HOOK2: variants seen among roughly 807,000 people sequenced by gnomAD.
HOOK2 encodes protein Hook homolog 2.
Under a neutral mutation model 111.9 loss-of-function variants are expected in HOOK2, and 108 were observed. That is an observed-to-expected ratio of 0.96 (90% CI 0.83 to 1.13). The LOEUF is 1.13. Ranked by LOEUF, HOOK2 falls within the 50% of genes most tolerant of loss-of-function variation. The probability of loss-of-function intolerance (pLI) is 0.00; values close to 1 mark genes in which losing one functional copy is unlikely to be tolerated. For synonymous variants in HOOK2, 405 were observed against 394.3 expected, an observed-to-expected ratio of 1.03 and a Z score of -0.32; for missense variants, 978 against 951.3, an observed-to-expected ratio of 1.03 and a Z score of -0.37.
intron 11 of HOOK2, among the ~76,000 whole-genome samples, chr19:12,769,117 C>G (rs989269149): frequency 3.9e-5 from 6 of 152,050 alleles, no homozygotes; most frequent in Non-Finnish European, 8.8e-5. Flanking sequence ...AGGCGCCCAC[C>G]ACCACGCCCG....
intron 11 of HOOK2, among the ~76,000 whole-genome samples, chr19:12,768,860 C>T (rs972326017): frequency 1.3e-5 from 2 of 151,876 alleles, no homozygotes; most frequent in Non-Finnish European, 2.9e-5. Context: ...TGCAGTGATG[C>T]GATCTTGGCT....
In HOOK2 at chr19:12,774,438, G is replaced by T. The variant is rs897731815; in HGVS notation, c.204+231C>A. The T allele has an allele frequency of 1.8e-5, 11 of 599,804 alleles. No homozygotes were observed. The East Asian group carries it at 3.1e-4, about 17-fold the overall frequency. 37.2% of individuals were successfully genotyped at this position (599,804 alleles called of 1,614,324 possible). On this transcript the variant is annotated intron_variant, in intron 3 of 22. Coordinates refer to ENST00000397668, the MANE Select transcript of HOOK2 (RefSeq NM_013312.3). Reference sequence around the variant, plus strand: ...TAATTTTTATGGTTGTGTATGTGTTGCTTGTCACTAGAATGATGGCTGTGT... The same window carrying T: ...TAATTTTTATGGTTGTGTATGTGTTTCTTGTCACTAGAATGATGGCTGTGT...
intron 3 of HOOK2, chr19:12,787,060 C>G (rs929996289): frequency 6.5e-6 from 1 of 152,842 alleles, no homozygotes; most frequent in East Asian, 1.9e-4. Context: ...CCCAGTTACT[C>G]TGGAGGCTGA....
At chr19:12,765,287 A>C in intron 18 of HOOK2, 2 of 613,410 alleles carry the variant, frequency 3.3e-6, no homozygotes, top group Non-Finnish European at 5.8e-6. Context: ...CACCCTTAGC[A>C]GGTATGCCCC....
intron 3 of HOOK2, among the ~76,000 whole-genome samples, chr19:12,789,559 G>A (rs1968685667): frequency 6.6e-6 from 1 of 152,082 alleles, no homozygotes; most frequent in Non-Finnish European, 1.5e-5. Context: ...CGGAGCTCCA[G>A]ATCTCCTGGC....
chr19:12,785,446 TACAC>T (rs1968646945), intron 3 of HOOK2, among the ~76,000 whole-genome samples: 2 of 149,868 alleles, frequency 1.3e-5, no homozygotes, highest in South Asian at 4.2e-4. Flanking sequence ...ACAGATCATA[TACAC>T]ACATACAGAC....
Position 12,763,623 on chromosome 19 carries a change from G to A in HOOK2, c.1939-24C>T, listed in dbSNP as rs373817895. The A allele has an allele frequency of 3.1e-6, 5 of 1,614,018 alleles. No homozygotes were observed. The African/African-American group carries it at 4.0e-5, about 13-fold the overall frequency. The stretch of plus-strand genomic sequence containing the variant: ...ATCTGTCAAGGAGGCAAGTGTCAGG[G>A]GCCTAGATACGTTGGAGGCAGCGTA... On this transcript the variant is annotated intron_variant, in intron 21 of 22. Coordinates refer to ENST00000397668, the MANE Select transcript of HOOK2 (RefSeq NM_013312.3).
intron 3 of HOOK2, among the ~76,000 whole-genome samples, chr19:12,784,161 G>A (rs940821297): frequency 9.2e-5 from 14 of 152,146 alleles, no homozygotes; most frequent in African/African-American, 3.4e-4. Flanking sequence ...GCCCCTCCCG[G>A]GGCAGGGCAG....
chr19:12,772,918 G>A lies in HOOK2; in HGVS notation c.256-6C>T. 1.2e-6 allele frequency: 2 copies of A among 1,614,224 alleles called. No individual in the cohort carries two copies. Among genetic ancestry groups the A allele is most frequent in the Non-Finnish European group, 1.7e-6 (2 of 1,180,036 alleles). Reference sequence around the variant, plus strand: ...GACACAGGATGCGCCAGGACCTGGGGAGAAGGGGGTGTCAGGGGCTCATGG... The same window carrying A: ...GACACAGGATGCGCCAGGACCTGGGAAGAAGGGGGTGTCAGGGGCTCATGG... On this transcript the variant is annotated splice_region_variant and splice_polypyrimidine_tract_variant and intron_variant, in intron 4 of 22. Transcript: ENST00000397668.
At position 12,765,549 on chromosome 19, in the gene HOOK2, A is replaced by G. The variant is rs1404994502; in HGVS notation, c.1640+141T>C. The G allele has an allele frequency of 1.4e-5, 16 of 1,183,806 alleles. No individual in the cohort carries two copies. The Admixed American group carries it at 2.8e-4, about 21-fold the overall frequency. 73.3% of individuals were successfully genotyped at this position (1,183,806 alleles called of 1,614,324 possible). A position where few individuals can be genotyped will look rare whatever the true frequency, so the allele number is the denominator to read the frequency against. On this transcript the variant is annotated intron_variant, in intron 18 of 22. Transcript: ENST00000397668. Reference sequence around the variant, plus strand: ...GATCATCTGGGGTCAGGAGTCCGAGACCAGCCTGGCCAACATAGTGAAACC... The same window carrying G: ...GATCATCTGGGGTCAGGAGTCCGAGGCCAGCCTGGCCAACATAGTGAAACC...
chr19:12,772,784 C>G lies in HOOK2; in HGVS notation c.384G>C (p.Lys128Asn). The change falls in exon 5 of 23, where the codon AAG becomes AAC. Residue 128 changes from lysine to asparagine, a missense_variant. Physicochemically the swap from Lys to Asn is moderately conservative, Grantham distance 94 (BLOSUM62 0). This residue lies in a region of HOOK2 where 301 missense variants were observed against 286.1 expected (regional missense o/e 1.05). Transcript: ENST00000397668. ...VLGCAISCEK[K>N]QDHIQRIMTL... ...GACCCCCTAAGCTCCCCATACCCTG[C>G]TTTTTCTCGCAACTGATGGCACAGC... The G allele has an allele frequency of 6.2e-7, 1 of 1,614,166 alleles. No individual in the cohort carries two copies.
intron 17 of HOOK2, 52 bp from the exon 18 acceptor site, chr19:12,765,776 C>T (rs1164801053): frequency 5.6e-6 from 9 of 1,614,146 alleles, no homozygotes; most frequent in South Asian, 3.3e-5. Context: ...GGCCCTAATT[C>T]TTCCTTCCCA....
intron 10 of HOOK2, 36 bp from the exon 11 acceptor site, chr19:12,770,118 C>G (rs758255890): frequency 6.9e-7 from 1 of 1,451,940 alleles, no homozygotes; most frequent in Non-Finnish European, 9.1e-7. Context: ...GGGCTGAGAG[C>G]TCTGATCAGG....
At position 12,774,865 on chromosome 19, in the gene HOOK2, G is replaced by A. The variant is rs1320929722; in HGVS notation, c.78C>T (p.Ala26=). The change falls in exon 2 of 23, where the codon GCC becomes GCT. Residue 26 remains alanine, a synonymous_variant. Transcript: ENST00000397668. ...GGCCGCTGCTCAGGTCCTGAGGGCTGGCACAGGGAGACGGAACGTGGAACG... is the reference window on the plus strand; with the variant it reads ...GGCCGCTGCTCAGGTCCTGAGGGCTAGCACAGGGAGACGGAACGTGGAACG... ...LQTFHVPSPC[A]SPQDLSSGLA... is the part of the protein sequence containing the mutation. 1 of 1,614,162 alleles carries A rather than the reference G, an allele frequency of 6.2e-7. No individual in the cohort carries two copies. Among genetic ancestry groups the A allele is most frequent in the Admixed American group, 1.7e-5 (1 of 60,008 alleles).
chr19:12,767,326 G>A (rs1451053682), intron 14 of HOOK2, 69 bp downstream of exon 14: 40 of 1,322,440 alleles, frequency 3.0e-5, no homozygotes, highest in Non-Finnish European at 4.2e-5. Context: ...ATGGGAGGGC[G>A]GGAGCGGGGC....
upstream of HOOK2, among the ~76,000 whole-genome samples, chr19:12,776,154 G>T (rs1968503257): frequency 6.6e-6 from 1 of 151,276 alleles, no homozygotes; most frequent in South Asian, 2.1e-4. Flanking sequence ...TGGGATTACA[G>T]GCGTGAGCCA....
At chr19:12,766,386 A>G in intron 14 of HOOK2, 146 bp from the exon 15 acceptor site, 1 of 1,024,444 alleles carries the variant, frequency 9.8e-7, no homozygotes, top group East Asian at 2.8e-5. Flanking sequence ...AGGACCTACT[A>G]CGGGTTCAGG....
rs181161552 is a variant in HOOK2 at position 12,783,487 on chromosome 19, G to A, written n.42-9262C>T. Among the ~76,000 whole-genome samples, 548 of 151,470 alleles carry A rather than the reference G, an allele frequency of 3.6e-3. 4 individuals are homozygous for A. The highest frequency in any genetic ancestry group is 5.8e-3 in the Non-Finnish European group (391 of 67,808). On this transcript the variant is annotated intron_variant and non_coding_transcript_variant, in intron 3 of 3. Coordinates refer to the HOOK2 transcript ENST00000589765. The stretch of plus-strand genomic sequence containing the variant: ...TCATCCAGGGGCCCATTTTGACTCA[G>A]AGCAAGCCGGCGCCCCCCTCGAGCC...
In HOOK2 at chr19:12,790,797, A is replaced by T. The variant is rs531709347; in HGVS notation, n.42-16572T>A. ...CTTTCTGCATATCTAGACTTCCCCT[A>T]ATGCCTCCTTCCCGCTTACGGGAGA... is the stretch of plus-strand genomic sequence containing the variant. On this transcript the variant is annotated intron_variant and non_coding_transcript_variant, in intron 3 of 3. Transcript: ENST00000589765. The surrounding 1 kb of genome is among the most constrained non-coding windows in gnomAD (Gnocchi z 7.2). 4.6e-4 allele frequency among the ~76,000 whole-genome samples: 70 copies of T among 152,080 alleles called. No individual in the cohort carries two copies. Among genetic ancestry groups the T allele is most frequent in the Non-Finnish European group, 8.4e-4 (57 of 67,966 alleles).
Sources: allele counts gnomAD v4.1 joint callset (sites outside exome capture counted in the v4.1 genomes callset), GRCh38; gene constraint gnomAD v4.1.1; regional missense constraint gnomAD v4.1.1; non-coding constraint Gnocchi (gnomAD v3.1); transcripts MANE v1.5; gene names NCBI Gene and HGNC (gene_info 2026-07-23, HGNC 2026-07-21).